The following CORO7 variants were observed in gnomAD, a reference collection of about 807,000 sequenced individuals.
CORO7 encodes the protein coronin-7.
A neutral mutation model predicts 126.6 loss-of-function variants in CORO7; 107 were observed. The ratio of observed to expected loss-of-function variants is 0.85; its 90% CI spans 0.72 to 0.99. CORO7 has a LOEUF of 0.99. Ranked by LOEUF, CORO7 falls within the 50% of genes least tolerant of loss-of-function variation. The pLI, the probability that CORO7 is intolerant of heterozygous loss-of-function variation, is 0.00. For synonymous variants in CORO7, 603 were observed against 536.8 expected, an observed-to-expected ratio of 1.12 and a Z score of -1.70; for missense variants, 1,314 against 1,255.8, an observed-to-expected ratio of 1.05 and a Z score of -0.70.
chr16:4,403,740 G>A (rs2055896768), intron 6 of CORO7, among the ~76,000 whole-genome samples: 1 of 152,204 alleles, frequency 6.6e-6, no homozygotes, highest in Non-Finnish European at 1.5e-5. Context: ...ACCCCCAGGA[G>A]GAGGGCCTGG....
chr16:4,398,448 T>C (rs1438711316), intron 6 of CORO7, among the ~76,000 whole-genome samples: 2 of 151,216 alleles, frequency 1.3e-5, no homozygotes, highest in Non-Finnish European at 2.9e-5. Flanking sequence ...GGGGAATCAC[T>C]TGCGGTAAGG....
chr16:4,399,315 C>T (rs1473982951), intron 6 of CORO7, among the ~76,000 whole-genome samples: 3 of 152,226 alleles, frequency 2.0e-5, no homozygotes, highest in African/African-American at 4.8e-5. Flanking sequence ...GGAAATCCTA[C>T]TGCACGCCAC....
At chr16:4,411,725 G>A (rs2056217924) in intron 3 of CORO7, among the ~76,000 whole-genome samples, 1 of 151,970 alleles carries the variant, frequency 6.6e-6, no homozygotes, top group African/African-American at 2.4e-5. Context: ...CTCACCCGAA[G>A]GCCTCCAAAC....
rs1230298240 is a variant in CORO7 at position 4,355,109 on chromosome 16, G to A, written c.*49C>T. The A allele has an allele frequency of 1.4e-6, 2 of 1,477,200 alleles. No individual in the cohort carries two copies. Among genetic ancestry groups the A allele is most frequent in the South Asian group, 1.4e-5 (1 of 73,488 alleles). 91.5% of individuals were successfully genotyped at this position (1,477,200 alleles called of 1,614,324 possible). On this transcript the variant is annotated 3_prime_UTR_variant, in exon 28 of 28. Coordinates refer to ENST00000251166, the MANE Select transcript of CORO7 (RefSeq NM_024535.5). Reference sequence around the variant, plus strand: ...AGCTTGAGGATGAGCCGTGAGGTGTGCACTAGGAAGTGGCAGCACAGGTGA... The same window carrying A: ...AGCTTGAGGATGAGCCGTGAGGTGTACACTAGGAAGTGGCAGCACAGGTGA...
chr16:4,357,802 G>T, intron 25 of CORO7, 166 bp downstream of exon 25: 1 of 1,267,918 alleles, frequency 7.9e-7, no homozygotes, highest in African/African-American at 1.5e-5. Context: ...CACAGACCAC[G>T]AGCCCTGCCC....
chr16:4,392,710 C>G (rs144277124), intron 7 of CORO7, among the ~76,000 whole-genome samples: 7 of 152,242 alleles, frequency 4.6e-5, no homozygotes, highest in African/African-American at 1.7e-4. Flanking sequence ...CTCGAGCCGG[C>G]CCCTCGGCTC....
At chr16:4,359,272 G>T (rs1416724750) in intron 23 of CORO7, 24 bp downstream of exon 23, 2 of 1,576,476 alleles carry the variant, frequency 1.3e-6, no homozygotes, top group Non-Finnish European at 1.7e-6. Flanking sequence ...TCCCATCGGG[G>T]ACGAGGCGCC....
chr16:4,380,797 C>T (rs781555384), intron 9 of CORO7: 22 of 1,393,658 alleles, frequency 1.6e-5, no homozygotes, highest in Non-Finnish European at 2.1e-5. Context: ...TTCCCTCTGG[C>T]TCTTCCTGGC....
At chr16:4,402,131 G>T (rs1242082363) in intron 6 of CORO7, among the ~76,000 whole-genome samples, 2 of 152,208 alleles carry the variant, frequency 1.3e-5, no homozygotes, top group South Asian at 2.1e-4. Flanking sequence ...TAGAGGAGGG[G>T]TTTCACTATG....
intron 9 of CORO7, among the ~76,000 whole-genome samples, chr16:4,376,924 G>A (rs944538966): frequency 6.6e-6 from 1 of 152,218 alleles, no homozygotes; most frequent in Non-Finnish European, 1.5e-5. Flanking sequence ...CGCCCAGGGG[G>A]CAGGCAGAGT....
At chr16:4,377,019 A>T (rs2054757294) in intron 9 of CORO7, among the ~76,000 whole-genome samples, 1 of 152,166 alleles carries the variant, frequency 6.6e-6, no homozygotes, top group African/African-American at 2.4e-5. Flanking sequence ...GTCACCCCAG[A>T]CACAGGCACC....
Position 4,364,259 on chromosome 16 carries a change from G to T in CORO7, c.1275+17C>A, listed in dbSNP as rs2054275719. ...GCAGTGTCGCTGAGGGAGGATGGGG[G>T]CGGCCCTGGTACTTACGCTTGCGTC... On this transcript the variant is annotated intron_variant, in intron 14 of 27. Coordinates refer to ENST00000251166, the MANE Select transcript of CORO7 (RefSeq NM_024535.5). 10 of 1,529,010 alleles carry T rather than the reference G, an allele frequency of 6.5e-6. No individual in the cohort carries two copies. The highest frequency in any genetic ancestry group is 8.8e-6 in the Non-Finnish European group (10 of 1,141,346). The allele number at this position is 1,529,010 out of a possible 1,614,324, so 94.7% of individuals were successfully genotyped here.
intron 9 of CORO7, among the ~76,000 whole-genome samples, chr16:4,378,247 T>A (rs1386146589): frequency 6.6e-6 from 1 of 152,158 alleles, no homozygotes. Flanking sequence ...GCCTCACAGC[T>A]TGGACACCTC....
In CORO7 at chr16:4,361,213, G is replaced by C. The variant is rs372171864; in HGVS notation, c.1723C>G (p.Pro575Ala). The change falls in exon 18 of 28, where the codon CCC (proline) becomes GCC (alanine). Residue 575 changes from proline (P) to alanine (A), a missense_variant. By Grantham distance (27) the Pro-to-Ala change is conservative (BLOSUM62 -1). Transcript: ENST00000251166. ...AGCACCTCTTCCAGGCCCTCTGCGG[G>C]TACCCGCCACAGTCGGATCCTGGCG... Reference protein sequence around the residue: ...EDARIRLWRVPAEGLEEVLTT... With the variant: ...EDARIRLWRVAAEGLEEVLTT... 1 of 1,611,408 alleles carries C rather than the reference G, an allele frequency of 6.2e-7. No homozygotes were observed. The highest frequency in any genetic ancestry group is 2.2e-5 in the East Asian group (1 of 44,842).
intron 1 of CORO7, among the ~76,000 whole-genome samples, chr16:4,414,123 G>A (rs1049974542): frequency 3.4e-4 from 52 of 151,330 alleles, no homozygotes; most frequent in African/African-American, 1.2e-3. Flanking sequence ...CCTGGGAGGC[G>A]GAAGTTGCAG....
chr16:4,396,269 G>A (rs1157651007), intron 6 of CORO7, among the ~76,000 whole-genome samples: 2 of 152,036 alleles, frequency 1.3e-5, no homozygotes, highest in African/African-American at 2.4e-5. Flanking sequence ...TGGTAGAGAC[G>A]GGGTTTCACC....
intron 9 of CORO7, among the ~76,000 whole-genome samples, chr16:4,365,779 C>T (rs142118193): frequency 3.9e-4 from 59 of 152,278 alleles, no homozygotes; most frequent in African/African-American, 1.3e-3. Context: ...ACCTGCGTCA[C>T]TCCAGGACTG....
At chr16:4,365,396 A>G (rs1236746069) in intron 10 of CORO7, 95 bp downstream of exon 10, 2 of 1,510,276 alleles carry the variant, frequency 1.3e-6, no homozygotes, top group African/African-American at 2.8e-5. Context: ...GGGAAGACAC[A>G]GAGGCCCTGT....
rs1016451485 is a variant in CORO7 at position 4,357,326 on chromosome 16, G to A, written c.2594-67C>T. 4.0e-5 allele frequency: 58 copies of A among 1,434,354 alleles called. No individual in the cohort carries two copies. In the African/African-American group the frequency reaches 6.0e-4, roughly 15 times the overall value. 88.9% of individuals were successfully genotyped at this position (1,434,354 alleles called of 1,614,324 possible). A position where few individuals can be genotyped will look rare whatever the true frequency, so the allele number is the denominator to read the frequency against. On this transcript the variant is annotated intron_variant, in intron 25 of 27. Coordinates refer to ENST00000251166, the MANE Select transcript of CORO7 (RefSeq NM_024535.5). ...TAGGGCTCTTTGGTGCCAAGCCCTC[G>A]GGGATTTCTTTCTTTCTTTTCTTTC...
Sources: gnomAD v4.1 joint callset for allele counts (sites outside exome capture counted in the v4.1 genomes callset) on GRCh38, gnomAD v4.1.1 for gene constraint, MANE v1.5 for transcripts, NCBI Gene and HGNC (gene_info 2026-07-23, HGNC 2026-07-21) for gene names.